The following SPATS1 variants were observed in gnomAD, a reference collection of about 807,000 sequenced individuals.
The protein encoded by SPATS1 is spermatogenesis associated serine rich 1, also known as spermatogenesis-associated serine-rich protein 1.
In SPATS1, 23 loss-of-function variants were observed where a neutral mutation model predicts 33.6. The ratio of observed to expected loss-of-function variants is 0.68; its 90% CI spans 0.49 to 0.97. The LOEUF is 0.97. SPATS1 is among the 50% of genes least tolerant of loss of function. The pLI is 0.00. For missense variants in SPATS1, 327 were observed against 361.0 expected, an observed-to-expected ratio of 0.91 and a Z score of 0.76; for synonymous variants, 131 against 125.6, an observed-to-expected ratio of 1.04 and a Z score of -0.29.
At position 44,377,175 on chromosome 6, in the gene SPATS1, GTGT is replaced by G; in HGVS notation, c.*116_*118del. Reference sequence around the variant, plus strand: ...TCCAGTGTTTGACCCTTATGAGGAAGTGTTGTGCTTTGCTTTTTTAAAACTTTA... The same window carrying G: ...TCCAGTGTTTGACCCTTATGAGGAAGTGTGCTTTGCTTTTTTAAAACTTTA... On this transcript the variant is annotated 3_prime_UTR_variant, in exon 9 of 9. Transcript: ENST00000674044. The G allele has an allele frequency of 7.4e-7, 1 of 1,350,804 alleles. No individual in the cohort carries two copies. Among genetic ancestry groups the G allele is most frequent in the Non-Finnish European group, 1.0e-6 (1 of 955,454 alleles). The allele number at this position is 1,350,804 out of a possible 1,614,324, so 83.7% of individuals were successfully genotyped here. A position where few individuals can be genotyped will look rare whatever the true frequency, so the allele number is the denominator to read the frequency against.
intron 7 of SPATS1, among the ~76,000 whole-genome samples, chr6:44,375,589 C>G (rs1195061809): frequency 6.6e-6 from 1 of 152,100 alleles, no homozygotes; most frequent in South Asian, 2.1e-4. Context: ...GTGGGAGGAT[C>G]ATTTGGAGTC....
At chr6:44,361,080 A>G (rs898219755) in intron 4 of SPATS1, among the ~76,000 whole-genome samples, 1 of 152,220 alleles carries the variant, frequency 6.6e-6, no homozygotes, top group African/African-American at 2.4e-5. Context: ...TGAGACATTC[A>G]GTCATCCATA....
intron 2 of SPATS1, among the ~76,000 whole-genome samples, chr6:44,350,354 A>G (rs1788161601): frequency 6.6e-6 from 1 of 152,226 alleles, no homozygotes; most frequent in Admixed American, 6.5e-5. Context: ...TTACTGCCAA[A>G]CGTGAGCCTA....
At chr6:44,352,993 G>A in intron 3 of SPATS1, 120 bp downstream of exon 3, 1 of 1,104,234 alleles carries the variant, frequency 9.1e-7, no homozygotes, top group East Asian at 2.5e-5. Flanking sequence ...TAGACTGTGT[G>A]GGTTCAAATC....
At chr6:44,352,452 T>G (rs138917693) in intron 2 of SPATS1, among the ~76,000 whole-genome samples, 136 of 152,242 alleles carry the variant, frequency 8.9e-4, no homozygotes, top group African/African-American at 2.8e-3. Flanking sequence ...GGCCTAGATG[T>G]TTACTTTTTA....
At chr6:44,364,749 G>GTCTT (rs200961949) in intron 5 of SPATS1, among the ~76,000 whole-genome samples, 1 of 149,678 alleles carries the variant, frequency 6.7e-6, no homozygotes, top group African/African-American at 2.5e-5. Flanking sequence ...TTTTCTTTCT[G>GTCTT]TCTTTCTTTC....
chr6:44,373,748 A>T (rs182150422), intron 7 of SPATS1, among the ~76,000 whole-genome samples: 5 of 152,326 alleles, frequency 3.3e-5, no homozygotes, highest in Admixed American at 3.3e-4. Flanking sequence ...AAAATTAGGG[A>T]GGTAAGATTA....
At chr6:44,360,761 C>T (rs1788866807) in intron 4 of SPATS1, among the ~76,000 whole-genome samples, 191 bp downstream of exon 4, 1 of 152,132 alleles carries the variant, frequency 6.6e-6, no homozygotes, top group African/African-American at 2.4e-5. Context: ...ATATAAAACC[C>T]ATTAAAATAC....
At chr6:44,345,704 C>A (rs1285092417) in intron 2 of SPATS1, among the ~76,000 whole-genome samples, 1 of 152,204 alleles carries the variant, frequency 6.6e-6, no homozygotes, top group African/African-American at 2.4e-5. Context: ...TAGAGGACAT[C>A]TTTGGCCTTG....
chr6:44,368,529 A>G (rs999056599), intron 6 of SPATS1, 30 bp downstream of exon 6: 6 of 1,588,392 alleles, frequency 3.8e-6, no homozygotes, highest in Non-Finnish European at 5.1e-6. Context: ...AGCATTATAT[A>G]GTTAACTTTA....
intron 3 of SPATS1, among the ~76,000 whole-genome samples, chr6:44,359,824 C>T (rs1002645458): frequency 2.0e-5 from 3 of 152,166 alleles, no homozygotes; most frequent in South Asian, 2.1e-4. Context: ...CCTGCCTCAG[C>T]GTTCCAAAGT....
chr6:44,356,131 C>T (rs184360299), intron 3 of SPATS1, among the ~76,000 whole-genome samples: 7 of 152,302 alleles, frequency 4.6e-5, no homozygotes, highest in Admixed American at 4.6e-4. Context: ...CTGAACTTCT[C>T]ATCACCCATC....
At chr6:44,351,913 T>C (rs980084385) in intron 2 of SPATS1, among the ~76,000 whole-genome samples, 3 of 152,214 alleles carry the variant, frequency 2.0e-5, no homozygotes, top group Non-Finnish European at 4.4e-5. Context: ...GTGATCAGCA[T>C]TATATTCATC....
rs866316991 is a variant in SPATS1, at chr6:44,379,357, G to A, written c.*2294G>A. ...TGTAATCCCAGCACTTTGGGAGGCC[G>A]AGGCAGGCGGATCACGAGGTCAGGA... On this transcript the variant is annotated 3_prime_UTR_variant, in exon 9 of 9. Transcript: ENST00000674044. Among the ~76,000 whole-genome samples, 5 of 152,160 alleles carry A rather than the reference G, an allele frequency of 3.3e-5. No individual in the cohort carries two copies. The highest frequency in any genetic ancestry group is 3.4e-3 in the Middle Eastern group (1 of 294).
intron 3 of SPATS1, among the ~76,000 whole-genome samples, chr6:44,356,789 G>A (rs777389459): frequency 1.3e-5 from 2 of 152,342 alleles, no homozygotes; most frequent in Middle Eastern, 3.4e-3. Context: ...CCTAATGTGG[G>A]AAGTGACATC....
chr6:44,355,957 T>C (rs947760553), intron 3 of SPATS1, among the ~76,000 whole-genome samples: 4 of 152,198 alleles, frequency 2.6e-5, no homozygotes, highest in East Asian at 3.8e-4. Flanking sequence ...CCTTTATCTT[T>C]CATGATGCCT....
Position 44,376,377 on chromosome 6 carries a change from G to A in SPATS1, c.778G>A (p.Glu260Lys). ...QIPNLPFWVK[E>K]KANSLKNEIQ... ...CCACAGCTTGCCTTTCTGGGTGAAGGAGAAGGCCAACAGTTTGAAAAATGA... is the reference window on the plus strand; with the variant it reads ...CCACAGCTTGCCTTTCTGGGTGAAGAAGAAGGCCAACAGTTTGAAAAATGA... Residue 260 changes from glutamate to lysine, a missense_variant, in exon 8 of 9, where the codon GAG (glutamate) becomes AAG (lysine). Transcript: ENST00000674044. 1.2e-6 allele frequency: 2 copies of A among 1,612,876 alleles called. No homozygotes were observed. The highest frequency in any genetic ancestry group is 2.2e-5 in the East Asian group (1 of 44,876).
intron 3 of SPATS1, among the ~76,000 whole-genome samples, chr6:44,357,900 G>A (rs960085602): frequency 2.6e-5 from 4 of 152,142 alleles, no homozygotes; most frequent in Non-Finnish European, 2.9e-5. Context: ...TTGGAGATAC[G>A]GGTAAAAATT....
chr6:44,348,440 G>T lies in SPATS1; in HGVS notation c.140-4286G>T, dbSNP rs143324196. 2.8e-3 allele frequency among the ~76,000 whole-genome samples: 421 copies of T among 151,936 alleles called. 4 individuals carry two copies. Among genetic ancestry groups the T allele is most frequent in the African/African-American group, 9.0e-3 (373 of 41,444 alleles). On this transcript the variant is annotated intron_variant, in intron 2 of 8. Coordinates refer to ENST00000674044, the MANE Select transcript of SPATS1 (RefSeq NM_001372081.1). ...TTATTCCTTAAAATCTTTTCGGGGG[G>T]AGAGGGGTTACTCTTTTTTTTTTCT...
Sources: gnomAD v4.1 joint callset for allele counts (sites outside exome capture counted in the v4.1 genomes callset) on GRCh38, gnomAD v4.1.1 for gene constraint, MANE v1.5 for transcripts, NCBI Gene and HGNC (gene_info 2026-07-23, HGNC 2026-07-21) for gene names.